The following ST8SIA6 variants were observed in gnomAD, a reference collection of about 807,000 sequenced individuals.
The protein encoded by ST8SIA6 is alpha-2,8-sialyltransferase 8F.
Under a neutral mutation model 33.6 loss-of-function variants are expected in ST8SIA6, and 39 were observed. The ratio of observed to expected loss-of-function variants is 1.16; its 90% CI spans 0.90 to 1.52. The LOEUF (loss-of-function observed/expected upper bound fraction) is 1.52. ST8SIA6 is among the 40% of genes most tolerant of loss of function. The probability of loss-of-function intolerance (pLI) is 0.00; values close to 1 mark genes in which losing one functional copy is unlikely to be tolerated. For missense variants in ST8SIA6, 441 were observed against 443.8 expected (o/e 0.99, Z 0.06); for synonymous variants, 172 against 167.2 (o/e 1.03, Z -0.22).
At position 17,318,481 on chromosome 10, in the gene ST8SIA6, G is replaced by C. The variant is rs1436019504; in HGVS notation, c.*2397C>G. On this transcript the variant is annotated 3_prime_UTR_variant, in exon 8 of 8. Coordinates refer to ENST00000377602, the MANE Select transcript of ST8SIA6 (RefSeq NM_001004470.3). ...CCCACCCACCTTGGCCTCCCAAAGT[G>C]CTGGGATTACAGGTGTGAGCCATTG... The C allele has an allele frequency of 2.9e-6, 1 of 350,390 alleles. No individual in the cohort carries two copies. Among genetic ancestry groups the C allele is most frequent in the African/African-American group, 2.1e-5 (1 of 46,574 alleles). The allele number at this position is 350,390 out of a possible 1,614,324, so 21.7% of individuals were successfully genotyped here.
At chr10:17,435,334 A>T (rs1346485930) in intron 2 of ST8SIA6, among the ~76,000 whole-genome samples, 1 of 152,082 alleles carries the variant, frequency 6.6e-6, no homozygotes, top group Non-Finnish European at 1.5e-5. Context: ...TCCATTTCCT[A>T]TGAGACACAC....
At chr10:17,418,234 T>A (rs1347327697) in intron 2 of ST8SIA6, among the ~76,000 whole-genome samples, 1 of 151,816 alleles carries the variant, frequency 6.6e-6, no homozygotes, top group Non-Finnish European at 1.5e-5. Context: ...AATTTTTTTT[T>A]GCATTTTTTT....
intron 3 of ST8SIA6, among the ~76,000 whole-genome samples, chr10:17,383,095 G>A (rs1479645708): frequency 6.6e-6 from 1 of 151,648 alleles, no homozygotes; most frequent in Non-Finnish European, 1.5e-5. Context: ...AGAAAATTAA[G>A]TCTCTTCTCA....
chr10:17,438,321 A>G (rs1852355657), intron 2 of ST8SIA6, among the ~76,000 whole-genome samples: 1 of 152,208 alleles, frequency 6.6e-6, no homozygotes, highest in African/African-American at 2.4e-5. Flanking sequence ...TGTATTCGGC[A>G]TTAAACCGAA....
intron 6 of ST8SIA6, among the ~76,000 whole-genome samples, chr10:17,326,238 A>G (rs1272858781): frequency 1.3e-5 from 2 of 152,184 alleles, no homozygotes; most frequent in Non-Finnish European, 2.9e-5. Context: ...AAGAGGGATC[A>G]AAGCATCTCC....
At chr10:17,441,800 C>G (rs1006872817) in intron 2 of ST8SIA6, among the ~76,000 whole-genome samples, 5 of 152,094 alleles carry the variant, frequency 3.3e-5, no homozygotes, top group African/African-American at 1.2e-4. Flanking sequence ...TCTGAAAGTT[C>G]CACATTTGAA....
chr10:17,381,315 A>G lies in ST8SIA6; in HGVS notation c.290+9216T>C, dbSNP rs543771146. On this transcript the variant is annotated intron_variant, in intron 3 of 7. Transcript: ENST00000377602. ...ACTACCTAGGGTTGTAAAACACATT[A>G]TCAAGAATCTGAAAGTCTATAATAG... 1.8e-4 allele frequency among the ~76,000 whole-genome samples: 28 copies of G among 152,314 alleles called. No individual in the cohort carries two copies. The South Asian group carries it at 5.2e-3, about 28-fold the overall frequency.
At chr10:17,393,843 C>G in intron 2 of ST8SIA6, among the ~76,000 whole-genome samples, 1 of 152,216 alleles carries the variant, frequency 6.6e-6, no homozygotes, top group Non-Finnish European at 1.5e-5. Context: ...TACACATGGG[C>G]TCACAAAAGT....
chr10:17,316,290 A>G lies in ST8SIA6; in HGVS notation c.*4588T>C, dbSNP rs1847773805. 6.6e-6 allele frequency among the ~76,000 whole-genome samples: 1 copy of G among 152,008 alleles called. No individual in the cohort carries two copies. Among genetic ancestry groups the G allele is most frequent in the Non-Finnish European group, 1.5e-5 (1 of 67,922 alleles). ...GTGCTAAAGCTTTTGTTTTCCCTTT[A>G]TGCTAAATTTAAAGGACATACCCTT... On this transcript the variant is annotated 3_prime_UTR_variant, in exon 8 of 8. Transcript: ENST00000377602.
chr10:17,452,355 A>G (rs530597121), intron 2 of ST8SIA6, among the ~76,000 whole-genome samples: 15 of 152,324 alleles, frequency 9.8e-5, no homozygotes, highest in African/African-American at 3.6e-4. Context: ...ATTAAGGTGG[A>G]TCCAAGAGCC....
intron 2 of ST8SIA6, among the ~76,000 whole-genome samples, chr10:17,446,553 A>C (rs1300018556): frequency 1.3e-5 from 2 of 152,334 alleles, no homozygotes; most frequent in South Asian, 4.1e-4. Context: ...GAGAAGTGAC[A>C]CTTCGGAAAA....
At chr10:17,370,147 A>AT (rs1016847400) in intron 3 of ST8SIA6, among the ~76,000 whole-genome samples, 18 of 150,762 alleles carry the variant, frequency 1.2e-4, no homozygotes, top group Admixed American at 2.6e-4. Context: ...CACCTGGCTA[A>AT]TTTTTTTTTG....
In ST8SIA6 at chr10:17,320,833, C is replaced by G. The variant is rs746481107; in HGVS notation, c.*45G>C. On this transcript the variant is annotated 3_prime_UTR_variant, in exon 8 of 8. Transcript: ENST00000377602. ...TGGTGTTTGGAGACATTGTTAATCACCTACTGCATTATATTAAAATTATTC... is the reference window on the plus strand; with the variant it reads ...TGGTGTTTGGAGACATTGTTAATCAGCTACTGCATTATATTAAAATTATTC... 3 of 1,580,406 alleles carry G rather than the reference C, an allele frequency of 1.9e-6. No individual in the cohort carries two copies. The highest frequency in any genetic ancestry group is 2.6e-6 in the Non-Finnish European group (3 of 1,153,888).
At chr10:17,368,578 AAAGAAAG>A (rs1849636214) in intron 3 of ST8SIA6, among the ~76,000 whole-genome samples, 1 of 152,186 alleles carries the variant, frequency 6.6e-6, no homozygotes, top group African/African-American at 2.4e-5. Context: ...GACAATAGAA[AAAGAAAG>A]TACGAGGAAT....
At chr10:17,401,224 G>T (rs1197550194) in intron 2 of ST8SIA6, among the ~76,000 whole-genome samples, 1 of 151,984 alleles carries the variant, frequency 6.6e-6, no homozygotes, top group Non-Finnish European at 1.5e-5. Context: ...AACTTACAAG[G>T]GATGTGAAGG....
At chr10:17,411,506 G>GA (rs1820040954) in intron 2 of ST8SIA6, among the ~76,000 whole-genome samples, 1 of 152,158 alleles carries the variant, frequency 6.6e-6, no homozygotes, top group African/African-American at 2.4e-5. Flanking sequence ...TTGATTGCAT[G>GA]AAAGTGTATT....
At chr10:17,437,643 TTCCTTCCTTCCTTCC>T (rs1564464562) in intron 2 of ST8SIA6, among the ~76,000 whole-genome samples, 10 of 138,806 alleles carry the variant, frequency 7.2e-5, no homozygotes, top group East Asian at 4.6e-4. Flanking sequence ...CCTTCCTTCC[TTCCTTCCTTCCTTCC>T]TTCCTTCTGT....
chr10:17,380,371 C>G (rs1384077907), intron 3 of ST8SIA6, among the ~76,000 whole-genome samples: 1 of 152,200 alleles, frequency 6.6e-6, no homozygotes, highest in African/African-American at 2.4e-5. Flanking sequence ...CTTACACTTA[C>G]AGCACTCAGA....
chr10:17,395,736 AGTCGG>A (rs1372688371), intron 2 of ST8SIA6, among the ~76,000 whole-genome samples: 1 of 152,072 alleles, frequency 6.6e-6, no homozygotes, highest in Non-Finnish European at 1.5e-5. Flanking sequence ...TATAAAAATT[AGTCGG>A]GTGTGGTGGC....
Sources: gnomAD v4.1 joint callset for allele counts (sites outside exome capture counted in the v4.1 genomes callset) on GRCh38, gnomAD v4.1.1 for gene constraint, MANE v1.5 for transcripts, NCBI Gene and HGNC (gene_info 2026-07-23, HGNC 2026-07-21) for gene names.